Variants in CLEC2L observed in about 807,000 individuals in gnomAD.
The protein encoded by CLEC2L is C-type lectin domain family 2 member L.
In CLEC2L, 14 loss-of-function variants were observed where a neutral mutation model predicts 23.6. The observed-to-expected ratio is 0.59, with a 90% CI of 0.39 to 0.93. CLEC2L has a LOEUF of 0.93. Ranked by LOEUF, CLEC2L falls within the 40% of genes least tolerant of loss-of-function variation. CLEC2L has a pLI of 0.00. For synonymous variants in CLEC2L, 114 were observed against 121.3 expected (o/e 0.94, Z 0.40); for missense variants, 264 against 282.4 (o/e 0.93, Z 0.47).
rs1207160089 is a variant in CLEC2L at position 139,542,011 on chromosome 7, C to T, written c.433-10C>T. On this transcript the variant is annotated splice_polypyrimidine_tract_variant and intron_variant, in intron 3 of 4. Transcript: ENST00000422142. ...TCTGACCCTGAGGTGTCCCTTTTTCCTCGGTGCAGGAATTTATGTTCAAGT... is the reference window on the plus strand; with the variant it reads ...TCTGACCCTGAGGTGTCCCTTTTTCTTCGGTGCAGGAATTTATGTTCAAGT... 31 of 1,601,070 alleles carry T rather than the reference C, an allele frequency of 1.9e-5. No homozygotes were observed. Among genetic ancestry groups the T allele is most frequent in the Non-Finnish European group, 2.5e-5 (29 of 1,172,478 alleles).
intron 1 of CLEC2L, among the ~76,000 whole-genome samples, chr7:139,525,384 G>A (rs538871535): frequency 6.6e-6 from 1 of 152,296 alleles, no homozygotes; most frequent in South Asian, 2.1e-4. Flanking sequence ...TATGGGCCAG[G>A]GGACGTGCAC....
intron 1 of CLEC2L, among the ~76,000 whole-genome samples, chr7:139,534,919 C>T (rs13438016): frequency 0.031 from 4,709 of 150,758 alleles, 248 homozygotes; most frequent in African/African-American, 0.11. Flanking sequence ...TAGCCATGTC[C>T]TCAAGATAAA....
intron 1 of CLEC2L, among the ~76,000 whole-genome samples, chr7:139,527,598 C>A (rs186367853): frequency 2.0e-5 from 3 of 152,082 alleles, no homozygotes; most frequent in Non-Finnish European, 4.4e-5. Context: ...AAAGGTGACC[C>A]GGAGAGCCCG....
Position 139,544,386 on chromosome 7 carries a change from G to A in CLEC2L, c.*44G>A, listed in dbSNP as rs1585204406. 1.6e-5 allele frequency: 22 copies of A among 1,347,542 alleles called. No individual in the cohort carries two copies. In the East Asian group the frequency reaches 5.1e-4, roughly 31 times the overall value. 83.5% of individuals were successfully genotyped at this position (1,347,542 alleles called of 1,614,324 possible). A position where few individuals can be genotyped will look rare whatever the true frequency, so the allele number is the denominator to read the frequency against. On this transcript the variant is annotated 3_prime_UTR_variant, in exon 5 of 5. Coordinates refer to ENST00000422142, the MANE Select transcript of CLEC2L (RefSeq NM_001080511.4). ...TGGCCCCGCCCCTAGGCCTGTGGGA[G>A]GTGTCTGGTGTCTGCTCAAGACCTG...
At chr7:139,525,993 T>C (rs1797500133) in intron 1 of CLEC2L, among the ~76,000 whole-genome samples, 1 of 152,212 alleles carries the variant, frequency 6.6e-6, no homozygotes, top group South Asian at 2.1e-4. Context: ...CCTTGCTCTC[T>C]GACTCATGCC....
chr7:139,541,061 T>C (rs1797728594), intron 3 of CLEC2L, among the ~76,000 whole-genome samples: 2 of 152,044 alleles, frequency 1.3e-5, no homozygotes, highest in South Asian at 2.1e-4. Context: ...CTGGCTGGAG[T>C]ACAATGGTGC....
At chr7:139,537,374 CAAA>C (rs1797674348) in intron 2 of CLEC2L, among the ~76,000 whole-genome samples, 1 of 150,056 alleles carries the variant, frequency 6.7e-6, no homozygotes, top group African/African-American at 2.5e-5. Context: ...AAGTGAAACT[CAAA>C]GAAGAATTTA....
chr7:139,536,106 A>C (rs892000717), intron 1 of CLEC2L, among the ~76,000 whole-genome samples, 168 bp from the exon 2 acceptor site: 2 of 152,208 alleles, frequency 1.3e-5, no homozygotes, highest in Non-Finnish European at 1.5e-5. Flanking sequence ...GGAGTTCGAG[A>C]CCAGCCTGGC....
chr7:139,542,783 G>A (rs1386906834), intron 4 of CLEC2L, among the ~76,000 whole-genome samples: 1 of 152,186 alleles, frequency 6.6e-6, no homozygotes, highest in Non-Finnish European at 1.5e-5. Context: ...TGTGTGGTGT[G>A]GGGGTGATGG....
chr7:139,532,618 T>C (rs1341296819), intron 1 of CLEC2L, among the ~76,000 whole-genome samples: 1 of 152,158 alleles, frequency 6.6e-6, no homozygotes, highest in East Asian at 1.9e-4. Flanking sequence ...TGTGATGATA[T>C]TGAGGTGGGT....
At chr7:139,538,187 C>T (rs550536654) in intron 2 of CLEC2L, among the ~76,000 whole-genome samples, 86 of 152,238 alleles carry the variant, frequency 5.6e-4, no homozygotes, top group Non-Finnish European at 1.1e-3. Context: ...AATCCCAGCA[C>T]TTCGGGAGGC....
chr7:139,527,388 A>G (rs550396146), intron 1 of CLEC2L, among the ~76,000 whole-genome samples: 1 of 152,316 alleles, frequency 6.6e-6, no homozygotes, highest in South Asian at 2.1e-4. Flanking sequence ...TCCAGCACTG[A>G]CGTTTCCCTC....
intron 3 of CLEC2L, among the ~76,000 whole-genome samples, chr7:139,541,554 T>C (rs921815619): frequency 6.6e-6 from 1 of 152,196 alleles, no homozygotes; most frequent in African/African-American, 2.4e-5. Context: ...ATCACTTCTG[T>C]TTGCCTTTGA....
At chr7:139,527,149 G>C (rs977908900) in intron 1 of CLEC2L, among the ~76,000 whole-genome samples, 1 of 152,210 alleles carries the variant, frequency 6.6e-6, no homozygotes, top group Non-Finnish European at 1.5e-5. Flanking sequence ...CTCTCCCCTT[G>C]CAGGGGGGCT....
At position 139,540,088 on chromosome 7, in the gene CLEC2L, G is replaced by C; in HGVS notation, c.266-233G>C. 1.9e-6 allele frequency: 1 copy of C among 521,890 alleles called. No individual in the cohort carries two copies. Among genetic ancestry groups the C allele is most frequent in the Non-Finnish European group, 3.4e-6 (1 of 290,080 alleles). 32.3% of individuals were successfully genotyped at this position (521,890 alleles called of 1,614,324 possible). A position where few individuals can be genotyped will look rare whatever the true frequency, so the allele number is the denominator to read the frequency against. On this transcript the variant is annotated intron_variant, in intron 2 of 4. Coordinates refer to ENST00000422142, the MANE Select transcript of CLEC2L (RefSeq NM_001080511.4). The surrounding 1 kb of genome is among the most constrained non-coding windows in gnomAD (Gnocchi z 5.8). ...GGAGACAGAGGAGATCCTAACCCAG[G>C]GGCTGCCCTGCTGTCACTTCCCGTC...
At chr7:139,528,662 C>T (rs1397966257) in intron 1 of CLEC2L, among the ~76,000 whole-genome samples, 1 of 152,184 alleles carries the variant, frequency 6.6e-6, no homozygotes, top group Non-Finnish European at 1.5e-5. Flanking sequence ...AACTATAATT[C>T]AAGATGAGAT....
chr7:139,529,766 A>C (rs1201349218), intron 1 of CLEC2L, among the ~76,000 whole-genome samples: 2 of 152,224 alleles, frequency 1.3e-5, no homozygotes, highest in Non-Finnish European at 2.9e-5. Context: ...TCAGAAGCCC[A>C]CTAATACAAC....
intron 4 of CLEC2L, 65 bp from the exon 5 acceptor site, chr7:139,544,166 C>A: frequency 8.0e-7 from 1 of 1,256,414 alleles, no homozygotes; most frequent in Non-Finnish European, 1.1e-6. Flanking sequence ...ATGGCCTCCC[C>A]TGCCACTGGG....
intron 1 of CLEC2L, chr7:139,534,225 CAA>C (rs1198580428): frequency 5.7e-5 from 52 of 910,504 alleles, no homozygotes; most frequent in South Asian, 1.7e-4. Context: ...GCGGCTGTAG[CAA>C]AGAGTTTGGC....
Sources: allele counts gnomAD v4.1 joint callset (sites outside exome capture counted in the v4.1 genomes callset), GRCh38; gene constraint gnomAD v4.1.1; non-coding constraint Gnocchi (gnomAD v3.1); transcripts MANE v1.5; gene names NCBI Gene and HGNC (gene_info 2026-07-23, HGNC 2026-07-21).